SHTN1: variants seen among roughly 807,000 people sequenced by gnomAD.
The protein encoded by SHTN1 is shootin-1.
SHTN1 carries 42 observed loss-of-function variants against 83.1 expected under a neutral mutation model. The observed-to-expected ratio is 0.51, with a 90% CI of 0.39 to 0.65. The LOEUF (loss-of-function observed/expected upper bound fraction) is 0.65. SHTN1 is among the 30% of genes least tolerant of loss of function. The probability of loss-of-function intolerance (pLI) is 0.00; values close to 1 mark genes in which losing one functional copy is unlikely to be tolerated. For missense variants in SHTN1, 622 were observed against 737.8 expected, an observed-to-expected ratio of 0.84 and a Z score of 1.82; for synonymous variants, 224 against 247.7, an observed-to-expected ratio of 0.90 and a Z score of 0.90.
At chr10:116,893,122 C>T (rs1160991068) in intron 16 of SHTN1, among the ~76,000 whole-genome samples, 1 of 152,108 alleles carries the variant, frequency 6.6e-6, no homozygotes, top group Non-Finnish European at 1.5e-5. Context: ...ACATCCTCAA[C>T]AATTAATCTG....
chr10:116,930,370 G>T (rs368308657), intron 9 of SHTN1, among the ~76,000 whole-genome samples: 1 of 151,862 alleles, frequency 6.6e-6, no homozygotes, highest in Non-Finnish European at 1.5e-5. Flanking sequence ...ATACTTTTTC[G>T]ATCCTCTCTC....
chr10:116,923,282 A>G (rs1204337335), intron 11 of SHTN1, among the ~76,000 whole-genome samples: 1 of 152,194 alleles, frequency 6.6e-6, no homozygotes, highest in Admixed American at 6.5e-5. Context: ...AAAACTGTAC[A>G]TAGGCTTGTG....
chr10:116,893,617 C>T (rs531916148), intron 16 of SHTN1, among the ~76,000 whole-genome samples: 11 of 144,394 alleles, frequency 7.6e-5, no homozygotes, highest in Middle Eastern at 7.1e-3. Flanking sequence ...AGCGGAGAAG[C>T]GGAGGTTATG....
At chr10:116,979,194 G>A in intron 2 of SHTN1, 62 bp downstream of exon 2, 1 of 1,341,226 alleles carries the variant, frequency 7.5e-7, no homozygotes. Flanking sequence ...ACTGAACAAT[G>A]CACTATGCCG....
At chr10:117,045,232 C>T (rs1852644622) in intron 2 of SHTN1, among the ~76,000 whole-genome samples, 1 of 152,106 alleles carries the variant, frequency 6.6e-6, no homozygotes, top group South Asian at 2.1e-4. Flanking sequence ...AGAACACTGA[C>T]AAAATTGTTG....
chr10:117,014,067 C>T (rs1243915804), intron 2 of SHTN1, among the ~76,000 whole-genome samples: 4 of 151,846 alleles, frequency 2.6e-5, no homozygotes, highest in African/African-American at 9.7e-5. Context: ...CAATATGGTT[C>T]AATTTATATG....
chr10:116,987,885 A>G (rs1015318588), intron 1 of SHTN1, among the ~76,000 whole-genome samples: 13 of 152,024 alleles, frequency 8.6e-5, no homozygotes, highest in African/African-American at 3.1e-4. Context: ...ACTGCACTCC[A>G]ATCTGGTAAC....
rs564716619 is a variant in SHTN1, at chr10:116,909,228, T to C, written c.1360-2481A>G. Among the ~76,000 whole-genome samples, 162 of 152,274 alleles carry C rather than the reference T, an allele frequency of 1.1e-3. 1 individual carries two copies. The highest frequency in any genetic ancestry group is 3.6e-3 in the African/African-American group (151 of 41,562). On this transcript the variant is annotated intron_variant, in intron 14 of 16. Transcript: ENST00000355371. Reference sequence around the variant, plus strand: ...TCCCAAGTCCCAAACCAATACTCTTTTTCTACTTCAAACCACTGTGGTCAT... The same window carrying C: ...TCCCAAGTCCCAAACCAATACTCTTCTTCTACTTCAAACCACTGTGGTCAT...
intron 15 of SHTN1, among the ~76,000 whole-genome samples, chr10:116,903,739 T>C (rs1004468008): frequency 6.6e-6 from 1 of 152,210 alleles, no homozygotes. Context: ...CTTTAAACAA[T>C]CTGTCCTTGT....
intron 1 of SHTN1, among the ~76,000 whole-genome samples, chr10:117,078,268 C>T (rs1418951127): frequency 6.6e-6 from 1 of 152,152 alleles, no homozygotes; most frequent in Non-Finnish European, 1.5e-5. Context: ...CGAAGACACG[C>T]TTCCCATCTG....
chr10:116,966,397 T>C (rs1247376471), intron 3 of SHTN1, among the ~76,000 whole-genome samples: 1 of 152,158 alleles, frequency 6.6e-6, no homozygotes, highest in Non-Finnish European at 1.5e-5. Flanking sequence ...AAAAAAGAAT[T>C]AGTACTCTGT....
intron 1 of SHTN1, among the ~76,000 whole-genome samples, chr10:117,113,672 A>G (rs912812611): frequency 6.6e-6 from 1 of 152,220 alleles, no homozygotes; most frequent in African/African-American, 2.4e-5. Context: ...TGGGAAGCGG[A>G]AGCCAGAAGA....
At chr10:117,095,642 A>C (rs1853493092) in intron 1 of SHTN1, among the ~76,000 whole-genome samples, 1 of 152,214 alleles carries the variant, frequency 6.6e-6, no homozygotes, top group African/African-American at 2.4e-5. Flanking sequence ...TAAAACAAAA[A>C]TATATAACAG....
chr10:117,035,929 A>G (rs2133576214), intron 2 of SHTN1, among the ~76,000 whole-genome samples: 1 of 135,372 alleles, frequency 7.4e-6, no homozygotes, highest in East Asian at 2.2e-4. Context: ...CCTGGGGAAC[A>G]AGAGCGAAAC....
chr10:117,005,917 C>T (rs915330774), upstream of SHTN1, among the ~76,000 whole-genome samples: 2 of 152,174 alleles, frequency 1.3e-5, no homozygotes, highest in African/African-American at 4.8e-5. Flanking sequence ...AGTCCGAATG[C>T]CGAAGGTCAC....
intron 2 of SHTN1, among the ~76,000 whole-genome samples, chr10:116,974,785 G>A (rs1850736114): frequency 7.3e-6 from 1 of 137,278 alleles, no homozygotes; most frequent in Non-Finnish European, 1.5e-5. Context: ...ACCACTCTGA[G>A]AAACATGAAA....
chr10:116,914,269 C>CG (rs1175501322), intron 13 of SHTN1, among the ~76,000 whole-genome samples: 1 of 151,980 alleles, frequency 6.6e-6, no homozygotes, highest in Non-Finnish European at 1.5e-5. Flanking sequence ...GTCAAGAGAT[C>CG]GAGACCATCC....
chr10:116,963,011 A>C (rs1383332998), intron 3 of SHTN1, among the ~76,000 whole-genome samples: 1 of 54,418 alleles, frequency 1.8e-5, no homozygotes, highest in Non-Finnish European at 4.3e-5. Flanking sequence ...ATGTAAATTT[A>C]TTTGCACATT....
chr10:116,978,875 T>A (rs1429975226), intron 2 of SHTN1, among the ~76,000 whole-genome samples: 2 of 152,188 alleles, frequency 1.3e-5, no homozygotes, highest in East Asian at 3.9e-4. Flanking sequence ...CAAAGAGTTT[T>A]CTCTAGGACC....
Sources: allele counts gnomAD v4.1 joint callset (sites outside exome capture counted in the v4.1 genomes callset), GRCh38; gene constraint gnomAD v4.1.1; transcripts MANE v1.5; gene names NCBI Gene and HGNC (gene_info 2026-07-23, HGNC 2026-07-21).